The following DLGAP2 variants were observed in gnomAD, a reference collection of about 807,000 sequenced individuals.
DLGAP2 encodes the protein disks large-associated protein 2.
DLGAP2 carries 26 observed loss-of-function variants against 100.3 expected under a neutral mutation model. The ratio of observed to expected loss-of-function variants is 0.26; its 90% CI spans 0.19 to 0.36. The LOEUF is 0.36. Among genes scored for constraint, DLGAP2 ranks in the 10% least tolerant of loss-of-function variants. DLGAP2 has a pLI of 1.00. For synonymous variants in DLGAP2, 886 were observed against 630.1 expected, an observed-to-expected ratio of 1.41 and a Z score of -6.08; for missense variants, 1,858 against 1,453.2, an observed-to-expected ratio of 1.28 and a Z score of -4.53.
intron 1 of DLGAP2, among the ~76,000 whole-genome samples, chr8:813,814 G>A (rs1027423701): frequency 6.6e-6 from 1 of 152,174 alleles, no homozygotes; most frequent in Non-Finnish European, 1.5e-5. Context: ...CAGATAAACA[G>A]TGAGATGCCT....
chr8:1,520,477 G>C (rs1157477282), intron 4 of DLGAP2, among the ~76,000 whole-genome samples: 2 of 152,316 alleles, frequency 1.3e-5, no homozygotes, highest in East Asian at 1.9e-4. Flanking sequence ...GTCACGCTTG[G>C]CATGGTCCAC....
intron 2 of DLGAP2, among the ~76,000 whole-genome samples, chr8:1,182,445 T>G (rs1359453557): frequency 6.6e-6 from 1 of 152,224 alleles, no homozygotes; most frequent in Admixed American, 6.5e-5. Context: ...GTGTGATGTC[T>G]GCATGAGATG....
At chr8:1,253,645 G>A (rs1268504839) in intron 2 of DLGAP2, among the ~76,000 whole-genome samples, 1 of 128,712 alleles carries the variant, frequency 7.8e-6, no homozygotes, top group East Asian at 2.3e-4. Context: ...GGTTCTCAGC[G>A]GGCTGCGTGT....
intron 2 of DLGAP2, among the ~76,000 whole-genome samples, chr8:1,117,315 C>A (rs1029925479): frequency 6.6e-6 from 1 of 152,200 alleles, no homozygotes. Flanking sequence ...CTCAGAGGTG[C>A]CACACTGGGG....
intron 2 of DLGAP2, among the ~76,000 whole-genome samples, chr8:1,098,259 A>G (rs936356555): frequency 5.9e-5 from 9 of 152,220 alleles, no homozygotes; most frequent in Non-Finnish European, 1.2e-4. Flanking sequence ...TATGTTTACA[A>G]TTTGGAAACT....
At chr8:1,262,030 C>A (rs11136373) in intron 3 of DLGAP2, among the ~76,000 whole-genome samples, 9 of 152,014 alleles carry the variant, frequency 5.9e-5, no homozygotes, top group African/African-American at 9.7e-5. Context: ...ACAGCCTTCC[C>A]TGGCTAAGCC....
intron 13 of DLGAP2, among the ~76,000 whole-genome samples, chr8:1,692,466 G>A (rs991282808): frequency 6.6e-6 from 1 of 151,912 alleles, no homozygotes; most frequent in African/African-American, 2.4e-5. Flanking sequence ...GGTGGATATG[G>A]CCCTGGTTTA....
At chr8:1,241,316 C>G (rs562201538) in intron 2 of DLGAP2, among the ~76,000 whole-genome samples, 1 of 152,052 alleles carries the variant, frequency 6.6e-6, no homozygotes, top group South Asian at 2.1e-4. Flanking sequence ...GTCTAGTTCT[C>G]TCACATGGCA....
intron 1 of DLGAP2, among the ~76,000 whole-genome samples, chr8:894,072 G>C (rs1798091285): frequency 6.6e-6 from 1 of 152,180 alleles, no homozygotes. Context: ...CCTCGTGCGT[G>C]AGACGTCCTT....
chr8:1,107,068 C>T (rs77341566), intron 2 of DLGAP2, among the ~76,000 whole-genome samples: 160 of 152,294 alleles, frequency 1.1e-3, no homozygotes, highest in Middle Eastern at 3.4e-3. Context: ...ATTTCCCATT[C>T]TAACAAAATG....
At chr8:872,321 C>G (rs1461147807) in intron 1 of DLGAP2, among the ~76,000 whole-genome samples, 2 of 148,908 alleles carry the variant, frequency 1.3e-5, no homozygotes, top group Non-Finnish European at 1.5e-5. Flanking sequence ...AAAGTTTTCT[C>G]TCACTTCTTT....
intron 2 of DLGAP2, among the ~76,000 whole-genome samples, chr8:1,132,646 G>A (rs367776777): frequency 1.3e-5 from 2 of 152,202 alleles, no homozygotes; most frequent in Non-Finnish European, 2.9e-5. Flanking sequence ...TAAAGAAGGC[G>A]TTTACTGGAG....
intron 3 of DLGAP2, among the ~76,000 whole-genome samples, chr8:1,274,292 G>C (rs1428002844): frequency 6.6e-6 from 1 of 152,102 alleles, no homozygotes; most frequent in Non-Finnish European, 1.5e-5. Context: ...ACGCACGCAT[G>C]ACACAACCAC....
chr8:873,263 T>C (rs1797632371), intron 1 of DLGAP2, among the ~76,000 whole-genome samples: 1 of 152,226 alleles, frequency 6.6e-6, no homozygotes, highest in Non-Finnish European at 1.5e-5. Flanking sequence ...GTATATGATA[T>C]CATGCCATCA....
chr8:843,054 G>A (rs566062583), intron 1 of DLGAP2, among the ~76,000 whole-genome samples: 3 of 152,314 alleles, frequency 2.0e-5, no homozygotes, highest in African/African-American at 7.2e-5. Context: ...TTGTGTGCAG[G>A]CAGGGGTGTT....
intron 4 of DLGAP2, among the ~76,000 whole-genome samples, chr8:1,502,539 C>T (rs747040583): frequency 6.6e-6 from 1 of 151,820 alleles, no homozygotes; most frequent in Non-Finnish European, 1.5e-5. Flanking sequence ...TGCTAACTGA[C>T]GTTCTACACA....
intron 2 of DLGAP2, among the ~76,000 whole-genome samples, chr8:1,023,857 A>ATGTGTGTGTGTGTG (rs149206104): frequency 0.045 from 5,804 of 128,794 alleles, 263 homozygotes; most frequent in Admixed American, 0.057. Context: ...AACTTTATAT[A>ATGTGTGTGTGTGTG]TGTGTGTGTG....
chr8:1,544,187 G>A (rs534778616), intron 4 of DLGAP2, among the ~76,000 whole-genome samples: 1 of 152,198 alleles, frequency 6.6e-6, no homozygotes, highest in Non-Finnish European at 1.5e-5. Flanking sequence ...ACAGGTGTGA[G>A]TGACTGCGTC....
rs116356700 is a variant in DLGAP2 at position 1,289,535 on chromosome 8, G to A, written c.106+30652G>A. ...ATAGAGCTGTAAAAGCTCATACCTT[G>A]CTCCTTTCGTTCCTTGTGGATGCCA... On this transcript the variant is annotated intron_variant, in intron 3 of 14. Transcript: ENST00000637795. Among the ~76,000 whole-genome samples the A allele has an allele frequency of 1.6e-3, 242 of 152,306 alleles. 1 individual carries two copies. The highest frequency in any genetic ancestry group is 5.3e-3 in the African/African-American group (220 of 41,564).
Sources: gnomAD v4.1 joint callset for allele counts (sites outside exome capture counted in the v4.1 genomes callset) on GRCh38, gnomAD v4.1.1 for gene constraint, MANE v1.5 for transcripts, NCBI Gene and HGNC (gene_info 2026-07-23, HGNC 2026-07-21) for gene names.